Variants in GNA14 observed in about 807,000 individuals in gnomAD.
GNA14 encodes G protein subunit alpha 14.
GNA14 carries 50 observed loss-of-function variants against 42.0 expected under a neutral mutation model. The observed-to-expected ratio is 1.19, with a 90% CI of 0.95 to 1.51. The LOEUF is 1.51. GNA14 is among the 40% of genes most tolerant of loss of function. The pLI is 0.00. For synonymous variants in GNA14, 173 were observed against 163.1 expected (o/e 1.06, Z -0.46); for missense variants, 473 against 446.2 (o/e 1.06, Z -0.54).
intron 2 of GNA14, among the ~76,000 whole-genome samples, chr9:77,478,377 A>G (rs968495677): frequency 2.0e-5 from 3 of 152,176 alleles, no homozygotes; most frequent in African/African-American, 7.2e-5. Flanking sequence ...TTATGGCTGC[A>G]TAGTATTCCA....
chr9:77,424,601 T>C (rs1835425945), intron 6 of GNA14, among the ~76,000 whole-genome samples: 1 of 152,200 alleles, frequency 6.6e-6, no homozygotes, highest in African/African-American at 2.4e-5. Context: ...GGGAACGGTT[T>C]ACCTGGAGCA....
chr9:77,465,920 G>T (rs1836214344), intron 2 of GNA14, among the ~76,000 whole-genome samples: 1 of 152,180 alleles, frequency 6.6e-6, no homozygotes, highest in Non-Finnish European at 1.5e-5. Flanking sequence ...TAAGATTGTT[G>T]ATTGACTTTT....
intron 2 of GNA14, among the ~76,000 whole-genome samples, chr9:77,497,206 C>T (rs538285995): frequency 6.6e-6 from 1 of 152,274 alleles, no homozygotes; most frequent in Admixed American, 6.5e-5. Context: ...TGGCCTTGTC[C>T]CCAACTCCAG....
intron 1 of GNA14, among the ~76,000 whole-genome samples, chr9:77,586,110 G>A (rs1414383562): frequency 6.6e-6 from 1 of 152,076 alleles, no homozygotes; most frequent in Non-Finnish European, 1.5e-5. Context: ...CACAAGAATT[G>A]AAAGAAACTG....
At chr9:77,448,349 C>T (rs181856298) in intron 2 of GNA14, among the ~76,000 whole-genome samples, 142 of 152,246 alleles carry the variant, frequency 9.3e-4, no homozygotes, top group Admixed American at 3.5e-3. Flanking sequence ...TTTTGAGTAT[C>T]GAATCATTCT....
At position 77,593,851 on chromosome 9, in the gene GNA14, G is replaced by A. The variant is rs569063315; in HGVS notation, c.124+53819C>T. On this transcript the variant is annotated intron_variant, in intron 1 of 6. Transcript: ENST00000341700. ...AAAGAAAAACAAGTAGAAGTCAAAT[G>A]TGCATGTAGTTTTAAAAGCTTGCTT... Among the ~76,000 whole-genome samples the A allele has an allele frequency of 9.2e-5, 14 of 152,362 alleles. 1 individual carries two copies. Among genetic ancestry groups the A allele is most frequent in the South Asian group, 6.2e-4 (3 of 4,830 alleles).
At chr9:77,524,260 A>C (rs75082182) in intron 2 of GNA14, among the ~76,000 whole-genome samples, 7,917 of 152,294 alleles carry the variant, frequency 0.052, 242 homozygotes, top group South Asian at 0.071. Context: ...TAGTTAAAAA[A>C]CAAATGCGGA....
chr9:77,577,381 A>C (rs138990617), intron 1 of GNA14, among the ~76,000 whole-genome samples: 1 of 152,242 alleles, frequency 6.6e-6, no homozygotes, highest in Non-Finnish European at 1.5e-5. Flanking sequence ...TTAGTATAAC[A>C]ATAAAATAGA....
intron 2 of GNA14, among the ~76,000 whole-genome samples, chr9:77,498,373 C>CAAAAAA (rs766816001): frequency 4.7e-3 from 251 of 53,032 alleles, no homozygotes; most frequent in Non-Finnish European, 6.6e-3. Flanking sequence ...AAGTCTGTCT[C>CAAAAAA]AAAAAAAAAA....
chr9:77,493,411 T>C (rs1038343660), intron 2 of GNA14, among the ~76,000 whole-genome samples: 6 of 152,200 alleles, frequency 3.9e-5, no homozygotes, highest in African/African-American at 1.2e-4. Flanking sequence ...TTGTCTGTAC[T>C]GTGTACTCTG....
chr9:77,514,608 A>ATTT (rs34158312), intron 2 of GNA14, among the ~76,000 whole-genome samples: 6 of 136,676 alleles, frequency 4.4e-5, no homozygotes, highest in Non-Finnish European at 7.7e-5. Flanking sequence ...ATAATATCAG[A>ATTT]TTTTTTTTTT....
rs1033454939 is a variant in GNA14 at position 77,648,042 on chromosome 9, G to T, written c.-249C>A. On this transcript the variant is annotated 5_prime_UTR_variant, in exon 1 of 7. Transcript: ENST00000341700. ...TGCACCCCGGATCCGGGCTCAGCCC[G>T]CCCCACTCTCGCTCTGGGGAGGAGG... 2.9e-5 allele frequency: 15 copies of T among 515,952 alleles called. No individual in the cohort carries two copies. The highest frequency in any genetic ancestry group is 4.4e-5 in the Non-Finnish European group (13 of 295,736). The allele number at this position is 515,952 out of a possible 1,614,324, so 32.0% of individuals were successfully genotyped here. A position where few individuals can be genotyped will look rare whatever the true frequency, so the allele number is the denominator to read the frequency against.
At chr9:77,528,745 T>C (rs964060197) in intron 2 of GNA14, among the ~76,000 whole-genome samples, 1 of 152,172 alleles carries the variant, frequency 6.6e-6, no homozygotes, top group African/African-American at 2.4e-5. Context: ...ATTGCTCCAA[T>C]GAAGAAATTA....
chr9:77,527,644 G>T lies in GNA14; in HGVS notation c.309+1425C>A, dbSNP rs559601359. Among the ~76,000 whole-genome samples the T allele has an allele frequency of 5.3e-4, 81 of 152,162 alleles. 1 individual carries two copies. The highest frequency in any genetic ancestry group is 9.9e-4 in the Non-Finnish European group (67 of 67,990). Reference sequence around the variant, plus strand: ...CCACACAATTTTTTTGTTTTGTTTTGTTTTTTGAGACGGAGTTTCGCTCTT... The same window carrying T: ...CCACACAATTTTTTTGTTTTGTTTTTTTTTTTGAGACGGAGTTTCGCTCTT... On this transcript the variant is annotated intron_variant, in intron 2 of 6. Coordinates refer to ENST00000341700, the MANE Select transcript of GNA14 (RefSeq NM_004297.4).
intron 1 of GNA14, among the ~76,000 whole-genome samples, chr9:77,628,726 C>CA (rs1291165601): frequency 6.6e-6 from 1 of 152,070 alleles, no homozygotes; most frequent in Non-Finnish European, 1.5e-5. Flanking sequence ...ACCCCTTACA[C>CA]AAAAATTAAC....
At chr9:77,567,424 G>A (rs1228854074) in intron 1 of GNA14, among the ~76,000 whole-genome samples, 2 of 152,128 alleles carry the variant, frequency 1.3e-5, no homozygotes, top group African/African-American at 4.8e-5. Context: ...TATCATCCTG[G>A]AGTGAATTTG....
chr9:77,586,077 C>T (rs1048821949), intron 1 of GNA14, among the ~76,000 whole-genome samples: 1 of 152,044 alleles, frequency 6.6e-6, no homozygotes, highest in African/African-American at 2.4e-5. Context: ...CTACAACAGC[C>T]GCGCTCCCCT....
chr9:77,539,238 G>T (rs1418611318), intron 1 of GNA14, among the ~76,000 whole-genome samples: 3 of 152,184 alleles, frequency 2.0e-5, no homozygotes, highest in African/African-American at 7.2e-5. Flanking sequence ...TTTGTCAAAT[G>T]CTCTTTCTCC....
intron 2 of GNA14, among the ~76,000 whole-genome samples, chr9:77,511,760 T>C (rs953303005): frequency 4.6e-5 from 7 of 152,122 alleles, no homozygotes; most frequent in Non-Finnish European, 8.8e-5. Context: ...AAATGGCCTA[T>C]TCCTGCAGCC....
Sources: allele counts gnomAD v4.1 joint callset (sites outside exome capture counted in the v4.1 genomes callset), GRCh38; gene constraint gnomAD v4.1.1; transcripts MANE v1.5; gene names NCBI Gene and HGNC (gene_info 2026-07-23, HGNC 2026-07-21).